FGF14: variants seen among roughly 807,000 people sequenced by gnomAD.
FGF14 encodes fibroblast growth factor homologous factor 4.
Under a neutral mutation model 25.5 loss-of-function variants are expected in FGF14, and 5 were observed. The observed-to-expected ratio is 0.20, with a 90% CI of 0.10 to 0.41. The LOEUF (loss-of-function observed/expected upper bound fraction) is 0.41. Among genes scored for constraint, FGF14 ranks in the 10% least tolerant of loss-of-function variants. The pLI is 1.00. For missense variants in FGF14, 222 were observed against 320.1 expected, an observed-to-expected ratio of 0.69 and a Z score of 2.34; for synonymous variants, 138 against 118.3, an observed-to-expected ratio of 1.17 and a Z score of -1.08.
chr13:102,162,093 T>C (rs538208689), intron 1 of FGF14, among the ~76,000 whole-genome samples: 16 of 152,218 alleles, frequency 1.1e-4, no homozygotes, highest in African/African-American at 3.6e-4. Context: ...TATCTCCTGT[T>C]TTTTAAAAGA....
At chr13:102,224,594 C>G (rs760330258) in intron 1 of FGF14, among the ~76,000 whole-genome samples, 1 of 152,060 alleles carries the variant, frequency 6.6e-6, no homozygotes, top group African/African-American at 2.4e-5. Context: ...TTAAAAAGAA[C>G]CAAGGATTGC....
chr13:102,360,319 G>C (rs1002540146), intron 1 of FGF14, among the ~76,000 whole-genome samples: 11 of 152,098 alleles, frequency 7.2e-5, no homozygotes, highest in Non-Finnish European at 1.5e-4. Flanking sequence ...TTGAAAATTA[G>C]CCTACAAAAT....
At chr13:102,398,588 A>AT (rs2058633405) in intron 1 of FGF14, among the ~76,000 whole-genome samples, 1 of 152,186 alleles carries the variant, frequency 6.6e-6, no homozygotes, top group South Asian at 2.1e-4. Context: ...TTAAGATAAC[A>AT]TAATAGGTAG....
At chr13:101,997,658 G>A (rs2039257285) in intron 1 of FGF14, among the ~76,000 whole-genome samples, 1 of 152,084 alleles carries the variant, frequency 6.6e-6, no homozygotes, top group African/African-American at 2.4e-5. Flanking sequence ...GCTAGTCCGG[G>A]GAGCACACTG....
At chr13:102,228,111 T>C (rs1371553477) in intron 1 of FGF14, among the ~76,000 whole-genome samples, 1 of 152,198 alleles carries the variant, frequency 6.6e-6, no homozygotes, top group Non-Finnish European at 1.5e-5. Context: ...GGAAACATGC[T>C]CTTTTGATTT....
intron 1 of FGF14, among the ~76,000 whole-genome samples, chr13:102,294,491 C>G (rs1370755257): frequency 1.3e-5 from 2 of 151,614 alleles, no homozygotes; most frequent in South Asian, 4.1e-4. Flanking sequence ...TATTTAATAT[C>G]AGCAGGGAAT....
intron 3 of FGF14, among the ~76,000 whole-genome samples, chr13:101,852,626 C>T (rs1384900370): frequency 6.6e-6 from 1 of 151,976 alleles, no homozygotes; most frequent in East Asian, 1.9e-4. Flanking sequence ...AAGGAAATGT[C>T]TTTGTCAGGA....
intron 3 of FGF14, among the ~76,000 whole-genome samples, chr13:101,805,973 TA>T (rs1459049294): frequency 1.3e-5 from 2 of 151,994 alleles, no homozygotes; most frequent in East Asian, 3.9e-4. Flanking sequence ...TAGATATGTA[TA>T]AAAATGTATA....
intron 1 of FGF14, among the ~76,000 whole-genome samples, chr13:102,008,749 C>T (rs780860057): frequency 9.9e-5 from 15 of 151,900 alleles, no homozygotes; most frequent in East Asian, 1.9e-4. Flanking sequence ...GAACTTGTTA[C>T]GGGAACTAAT....
intron 1 of FGF14, among the ~76,000 whole-genome samples, chr13:102,372,882 A>G (rs1187417517): frequency 2.6e-5 from 4 of 152,210 alleles, no homozygotes; most frequent in African/African-American, 7.2e-5. Context: ...ATAAATCTTC[A>G]TAACATTCCT....
At chr13:102,003,270 C>G (rs1330417833) in intron 1 of FGF14, 2 of 152,098 alleles carry the variant, frequency 1.3e-5, no homozygotes, top group African/African-American at 4.8e-5. Flanking sequence ...CCATGTACTA[C>G]AGAGGAAATT....
chr13:101,927,054 C>T (rs1459120816), intron 1 of FGF14, among the ~76,000 whole-genome samples: 3 of 152,148 alleles, frequency 2.0e-5, no homozygotes, highest in Non-Finnish European at 4.4e-5. Flanking sequence ...ACAAGCCCTG[C>T]TCACCACATT....
At chr13:101,798,821 A>C (rs1012577311) in intron 3 of FGF14, among the ~76,000 whole-genome samples, 3 of 152,132 alleles carry the variant, frequency 2.0e-5, no homozygotes, top group South Asian at 2.1e-4. Flanking sequence ...GTTTGTGTGT[A>C]TACACTAAAC....
intron 1 of FGF14, among the ~76,000 whole-genome samples, chr13:102,301,431 G>A (rs1238716370): frequency 6.6e-6 from 1 of 152,124 alleles, no homozygotes; most frequent in Non-Finnish European, 1.5e-5. Context: ...AATAAAACCT[G>A]CTAAGAGTAT....
intron 1 of FGF14, among the ~76,000 whole-genome samples, chr13:102,360,968 T>C (rs918400563): frequency 6.6e-6 from 1 of 152,108 alleles, no homozygotes; most frequent in African/African-American, 2.4e-5. Flanking sequence ...TGCTGTATCA[T>C]TTGAAGGTAA....
At chr13:101,881,157 G>A (rs2045686390) in intron 1 of FGF14, among the ~76,000 whole-genome samples, 1 of 152,170 alleles carries the variant, frequency 6.6e-6, no homozygotes, top group African/African-American at 2.4e-5. Context: ...GACTTAACAG[G>A]AGTATCTTGG....
intron 1 of FGF14, among the ~76,000 whole-genome samples, chr13:102,338,637 A>T (rs2056857553): frequency 6.6e-6 from 1 of 152,190 alleles, no homozygotes; most frequent in African/African-American, 2.4e-5. Context: ...GAAAAATTCA[A>T]ATAATCTATC....
Position 101,884,868 on chromosome 13 carries a change from TAC to T in FGF14, c.194-9574_194-9573del, listed in dbSNP as rs760286958. On this transcript the variant is annotated intron_variant, in intron 1 of 4. Coordinates refer to ENST00000376143, the MANE Select transcript of FGF14 (RefSeq NM_004115.4). ...CCAAACACACACACAGACACATACA[TAC>T]ACACACACACACACACACACACAGA... 2.3e-3 allele frequency among the ~76,000 whole-genome samples: 167 copies of T among 72,808 alleles called. 1 individual carries two copies. The highest frequency in any genetic ancestry group is 5.2e-3 in the Admixed American group (44 of 8,514). The allele number at this position is 72,808 out of a possible 152,430, so 47.8% of individuals were successfully genotyped here. A position where few individuals can be genotyped will look rare whatever the true frequency, so the allele number is the denominator to read the frequency against.
intron 3 of FGF14, among the ~76,000 whole-genome samples, chr13:101,763,615 T>C (rs9585776): frequency 0.014 from 2,185 of 152,106 alleles, 61 homozygotes; most frequent in African/African-American, 0.049. Context: ...TCCCAGCACT[T>C]TGGGAGGCCA....
Sources: allele counts gnomAD v4.1 joint callset (sites outside exome capture counted in the v4.1 genomes callset), GRCh38; gene constraint gnomAD v4.1.1; transcripts MANE v1.5; gene names NCBI Gene and HGNC (gene_info 2026-07-23, HGNC 2026-07-21).